Variants in GALNT7 observed in about 807,000 individuals in gnomAD.
GALNT7 encodes the protein N-acetylgalactosaminyltransferase 7.
Under a neutral mutation model 82.1 loss-of-function variants are expected in GALNT7, and 60 were observed. The observed-to-expected ratio is 0.73, with a 90% CI of 0.59 to 0.91. The LOEUF (loss-of-function observed/expected upper bound fraction) is 0.91, where lower values mean the gene tolerates loss of function less well. GALNT7 is among the 40% of genes least tolerant of loss of function. The probability of loss-of-function intolerance (pLI) is 0.00; values close to 1 mark genes in which losing one functional copy is unlikely to be tolerated. For missense variants in GALNT7, 660 were observed against 804.2 expected, an observed-to-expected ratio of 0.82 and a Z score of 2.17; for synonymous variants, 243 against 275.1, an observed-to-expected ratio of 0.88 and a Z score of 1.15.
At chr4:173,252,909 A>C (rs1428383237) in intron 2 of GALNT7, among the ~76,000 whole-genome samples, 1 of 152,050 alleles carries the variant, frequency 6.6e-6, no homozygotes, top group African/African-American at 2.4e-5. Flanking sequence ...GAGTCAGAAA[A>C]GGATACTTTG....
At chr4:173,270,709 G>A (rs28433629) in intron 2 of GALNT7, among the ~76,000 whole-genome samples, 1 of 152,190 alleles carries the variant, frequency 6.6e-6, no homozygotes, top group African/African-American at 2.4e-5. Context: ...CAGAAGCTCT[G>A]GCTTTCCTCT....
At chr4:173,232,436 C>CT (rs962501592) in intron 1 of GALNT7, among the ~76,000 whole-genome samples, 128 of 143,872 alleles carry the variant, frequency 8.9e-4, no homozygotes, top group Middle Eastern at 3.5e-3. Flanking sequence ...TTACCTTGAA[C>CT]TTTTTTTTTT....
intron 2 of GALNT7, among the ~76,000 whole-genome samples, 176 bp downstream of exon 2, chr4:173,248,616 T>C (rs1734746515): frequency 6.6e-6 from 1 of 152,184 alleles, no homozygotes; most frequent in South Asian, 2.1e-4. Context: ...ATTTATGCCA[T>C]TGTATTGAAG....
At chr4:173,231,992 A>T (rs1026497338) in intron 1 of GALNT7, among the ~76,000 whole-genome samples, 9 of 152,202 alleles carry the variant, frequency 5.9e-5, no homozygotes, top group African/African-American at 2.2e-4. Flanking sequence ...AAGAGGAAAA[A>T]TATCACTGGA....
chr4:173,237,422 C>T (rs1255726191), intron 1 of GALNT7, among the ~76,000 whole-genome samples: 1 of 152,086 alleles, frequency 6.6e-6, no homozygotes, highest in African/African-American at 2.4e-5. Context: ...GAGTTTCTCC[C>T]CTAGAGGGAT....
chr4:173,197,358 TG>T (rs3839160), intron 1 of GALNT7, among the ~76,000 whole-genome samples: 3,608 of 152,298 alleles, frequency 0.024, 112 homozygotes, highest in African/African-American at 0.071. Context: ...TTCATGTATA[TG>T]AAGGAACAGA....
At chr4:173,321,195 T>C (rs1737802690) in intron 11 of GALNT7, among the ~76,000 whole-genome samples, 1 of 152,074 alleles carries the variant, frequency 6.6e-6, no homozygotes, top group African/African-American at 2.4e-5. Context: ...ATTGCACATA[T>C]CCATCCTTAG....
intron 6 of GALNT7, among the ~76,000 whole-genome samples, chr4:173,299,594 C>G (rs1736842923): frequency 1.3e-5 from 2 of 152,158 alleles, no homozygotes; most frequent in Admixed American, 6.5e-5. Flanking sequence ...CACCTGTAAT[C>G]CCAGCACTTT....
chr4:173,212,789 A>C (rs1173804632), intron 1 of GALNT7, among the ~76,000 whole-genome samples: 1 of 152,174 alleles, frequency 6.6e-6, no homozygotes, highest in Non-Finnish European at 1.5e-5. Flanking sequence ...CCATGACTTC[A>C]GTGCTTCAGA....
chr4:173,198,476 G>A (rs1040510882), intron 1 of GALNT7, among the ~76,000 whole-genome samples: 2 of 152,072 alleles, frequency 1.3e-5, no homozygotes, highest in African/African-American at 2.4e-5. Context: ...TTCCCAGAGT[G>A]TCCTTCTGTG....
At chr4:173,176,319 G>A (rs999437765) in intron 1 of GALNT7, among the ~76,000 whole-genome samples, 2 of 152,200 alleles carry the variant, frequency 1.3e-5, no homozygotes, top group Non-Finnish European at 2.9e-5. Context: ...TACAGTACGG[G>A]ATGAGCTTGA....
chr4:173,283,838 G>C (rs139997363), intron 2 of GALNT7, among the ~76,000 whole-genome samples: 108 of 152,160 alleles, frequency 7.1e-4, no homozygotes, highest in African/African-American at 2.4e-3. Context: ...ATTGTGTTTT[G>C]TTGCAAAATA....
intron 2 of GALNT7, among the ~76,000 whole-genome samples, chr4:173,249,223 G>T (rs1041507951): frequency 1.3e-5 from 2 of 152,158 alleles, no homozygotes; most frequent in African/African-American, 4.8e-5. Context: ...CACTCAAAAT[G>T]TATTCCTGAT....
At chr4:173,237,846 A>C (rs967667660) in intron 1 of GALNT7, among the ~76,000 whole-genome samples, 2 of 152,158 alleles carry the variant, frequency 1.3e-5, no homozygotes, top group African/African-American at 4.8e-5. Flanking sequence ...AGCATCGAGA[A>C]AAGAGAGAGT....
At position 173,182,738 on chromosome 4, in the gene GALNT7, T is replaced by TACACACAC. The variant is rs35300617; in HGVS notation, c.126+13797_126+13804dup. Among the ~76,000 whole-genome samples, 876 of 115,770 alleles carry TACACACAC rather than the reference T, an allele frequency of 7.6e-3. 14 individuals are homozygous for TACACACAC. The highest frequency in any genetic ancestry group is 0.044 in the East Asian group (169 of 3,798). The allele number at this position is 115,770 out of a possible 152,430, so 75.9% of individuals were successfully genotyped here. A position where few individuals can be genotyped will look rare whatever the true frequency, so the allele number is the denominator to read the frequency against. ...GATGAGGCTAGCAGGTTACTCTTAATACACACACACACACACACACACACA... is the reference window on the plus strand; with the variant it reads ...GATGAGGCTAGCAGGTTACTCTTAATACACACACACACACACACACACACACACACACA... On this transcript the variant is annotated intron_variant, in intron 1 of 11. Coordinates refer to ENST00000265000, the MANE Select transcript of GALNT7 (RefSeq NM_017423.3).
At chr4:173,193,256 T>A (rs1732679242) in intron 1 of GALNT7, among the ~76,000 whole-genome samples, 1 of 152,242 alleles carries the variant, frequency 6.6e-6, no homozygotes, top group Non-Finnish European at 1.5e-5. Flanking sequence ...AACACTATTT[T>A]ATTTAAGCTA....
intron 1 of GALNT7, 27 bp from the exon 2 acceptor site, chr4:173,247,953 A>G (rs988739836): frequency 1.3e-6 from 2 of 1,498,742 alleles, no homozygotes; most frequent in Admixed American, 1.8e-5. Flanking sequence ...TCATGTACTC[A>G]TTGTATATCC....
intron 1 of GALNT7, among the ~76,000 whole-genome samples, chr4:173,217,161 C>T (rs1361298369): frequency 6.6e-6 from 1 of 152,026 alleles, no homozygotes; most frequent in Non-Finnish European, 1.5e-5. Flanking sequence ...GGTCACTTTG[C>T]CCAGTTAACC....
intron 3 of GALNT7, among the ~76,000 whole-genome samples, chr4:173,295,039 C>A (rs767446970): frequency 6.6e-6 from 1 of 152,174 alleles, no homozygotes; most frequent in Admixed American, 6.5e-5. Flanking sequence ...AAACCCTAAC[C>A]ATTGCTTCTG....
Sources: allele counts gnomAD v4.1 joint callset (sites outside exome capture counted in the v4.1 genomes callset), GRCh38; gene constraint gnomAD v4.1.1; transcripts MANE v1.5; gene names NCBI Gene and HGNC (gene_info 2026-07-23, HGNC 2026-07-21).